Variants in AP1S1 observed in about 807,000 individuals in gnomAD.
The protein encoded by AP1S1 is AP-1 complex subunit sigma-1A.
In AP1S1, 13 loss-of-function variants were observed where a neutral mutation model predicts 23.9. That is an observed-to-expected ratio of 0.54 (90% CI 0.35 to 0.86). AP1S1 has a LOEUF of 0.86. Ranked by LOEUF, AP1S1 falls within the 40% of genes least tolerant of loss-of-function variation. AP1S1 has a pLI of 0.01. For synonymous variants in AP1S1, 84 were observed against 77.7 expected, an observed-to-expected ratio of 1.08 and a Z score of -0.43; for missense variants, 119 against 197.6, an observed-to-expected ratio of 0.60 and a Z score of 2.38.
At chr7:101,160,037 C>A (rs926932324) in intron 4 of AP1S1, among the ~76,000 whole-genome samples, 6 of 152,018 alleles carry the variant, frequency 3.9e-5, no homozygotes, top group Admixed American at 3.9e-4. Context: ...CATCGTGTCA[C>A]CAGTGTTGCG....
At chr7:101,158,207 C>G (rs924172932) in intron 3 of AP1S1, among the ~76,000 whole-genome samples, 1 of 152,200 alleles carries the variant, frequency 6.6e-6, no homozygotes, top group African/African-American at 2.4e-5. Flanking sequence ...ATTAACTTAT[C>G]TGAGGGACAG....
At chr7:101,156,846 G>A (rs1014755926) in intron 2 of AP1S1, 74 bp downstream of exon 2, 24 of 1,349,846 alleles carry the variant, frequency 1.8e-5, no homozygotes, top group East Asian at 1.1e-4. Flanking sequence ...AGAAATGGTC[G>A]TCCTGTAGGT....
At position 101,160,871 on chromosome 7, in the gene AP1S1, C is replaced by T. The variant is rs1797092796; in HGVS notation, c.*305C>T. 1.7e-6 allele frequency: 1 copy of T among 599,186 alleles called. No individual in the cohort carries two copies. Among genetic ancestry groups the T allele is most frequent in the African/African-American group, 1.8e-5 (1 of 54,796 alleles). The allele number at this position is 599,186 out of a possible 1,614,324, so 37.1% of individuals were successfully genotyped here. On this transcript the variant is annotated 3_prime_UTR_variant, in exon 5 of 5. Coordinates refer to ENST00000337619, the MANE Select transcript of AP1S1 (RefSeq NM_001283.5). The stretch of plus-strand genomic sequence containing the variant: ...AACTGATGTCACCCCAGATGTCCTT[C>T]CCTCCCTAATAACTGTAAATATATA...
intron 4 of AP1S1, among the ~76,000 whole-genome samples, chr7:101,160,064 G>A (rs1038058679): frequency 7.2e-6 from 1 of 139,032 alleles, no homozygotes; most frequent in Non-Finnish European, 1.6e-5. Flanking sequence ...CCCTAATGAC[G>A]CATCTCCCTG....
At chr7:101,158,854 G>T (rs1227862721) in intron 3 of AP1S1, among the ~76,000 whole-genome samples, 3 of 152,214 alleles carry the variant, frequency 2.0e-5, no homozygotes, top group Non-Finnish European at 4.4e-5. Flanking sequence ...AGTGAGCTGT[G>T]ATCATGCCAC....
chr7:101,159,094 G>A lies in AP1S1; in HGVS notation c.327G>A (p.Lys109=), dbSNP rs1797042338. 1 of 1,613,664 alleles carries A rather than the reference G, an allele frequency of 6.2e-7. No individual in the cohort carries two copies. The highest frequency in any genetic ancestry group is 8.5e-7 in the Non-Finnish European group (1 of 1,179,754). Reference sequence around the variant, plus strand: ...TGGACATCATCTTCAACTTTGAGAAGGCCTACTTCATCCTGGATGAGTTTT... The same window carrying A: ...TGGACATCATCTTCAACTTTGAGAAAGCCTACTTCATCCTGGATGAGTTTT... ...CELDIIFNFE[K]AYFILDEFLM... Residue 109 remains lysine, a synonymous_variant, in exon 4 of 5, where the codon AAG becomes AAA. Coordinates refer to ENST00000337619, the MANE Select transcript of AP1S1 (RefSeq NM_001283.5).
intron 4 of AP1S1, 89 bp from the exon 5 acceptor site, chr7:101,160,430 G>T: frequency 6.7e-7 from 1 of 1,486,318 alleles, no homozygotes. Context: ...TGCCTCCCCC[G>T]TCTGACTCTT....
chr7:101,159,110 GA>G lies in AP1S1; in HGVS notation c.344del (p.Asp115ValfsTer4). On this transcript the variant is annotated frameshift_variant, in exon 4 of 5. Transcript: ENST00000337619. LOFTEE classifies it high-confidence loss of function. ...CTTTGAGAAGGCCTACTTCATCCTG[GA>G]TGAGTTTTTGATGGGGGGGGATGTC... ...FNFEKAYFIL[D>X]EFLMGGDVQD... 6.2e-7 allele frequency: 1 copy of G among 1,613,880 alleles called. No homozygotes were observed. The highest frequency in any genetic ancestry group is 8.5e-7 in the Non-Finnish European group (1 of 1,179,830).
chr7:101,160,690 C>T lies in AP1S1; in HGVS notation c.*124C>T, dbSNP rs945999616. The T allele has an allele frequency of 1.4e-5, 16 of 1,162,346 alleles. No individual in the cohort carries two copies. The East Asian group carries it at 1.7e-4, about 12-fold the overall frequency. The allele number at this position is 1,162,346 out of a possible 1,614,324, so 72.0% of individuals were successfully genotyped here. ...GCCCCTCCTCTGCTGCCTCACCTTT[C>T]GGAGTGAGCTGTGGGCTCAGGCCCT... On this transcript the variant is annotated 3_prime_UTR_variant, in exon 5 of 5. Coordinates refer to ENST00000337619, the MANE Select transcript of AP1S1 (RefSeq NM_001283.5).
At chr7:101,158,904 C>CT (rs1797038577) in intron 3 of AP1S1, among the ~76,000 whole-genome samples, 155 bp from the exon 4 acceptor site, 1 of 152,092 alleles carries the variant, frequency 6.6e-6, no homozygotes. Flanking sequence ...GACCCTGTCT[C>CT]TAACAAAATA....
intron 3 of AP1S1, 129 bp from the exon 4 acceptor site, chr7:101,158,930 T>A: frequency 7.9e-7 from 1 of 1,270,440 alleles, no homozygotes; most frequent in Non-Finnish European, 1.1e-6. Flanking sequence ...ACAAAAAAAC[T>A]GAAAAAGCTG....
At chr7:101,157,820 A>G (rs1309976475) in intron 3 of AP1S1, among the ~76,000 whole-genome samples, 1 of 152,088 alleles carries the variant, frequency 6.6e-6, no homozygotes, top group Non-Finnish European at 1.5e-5. Context: ...ACCTGGAGGA[A>G]TGCCGCCTAT....
At chr7:101,158,712 G>C (rs769005993) in intron 3 of AP1S1, among the ~76,000 whole-genome samples, 6 of 152,138 alleles carry the variant, frequency 3.9e-5, no homozygotes, top group Admixed American at 6.6e-5. Flanking sequence ...GACCAGCCTG[G>C]CCAACATGGC....
intron 2 of AP1S1, 27 bp from the exon 3 acceptor site, chr7:101,157,350 C>G: frequency 6.7e-7 from 1 of 1,483,802 alleles, no homozygotes; most frequent in Non-Finnish European, 9.2e-7. Context: ...AAGCTTGTAG[C>G]GATGTCTCAT....
chr7:101,154,574 G>A lies in AP1S1; in HGVS notation c.3+57G>A, dbSNP rs763279875. ...AGCGAGGGGCGTGGGCTGCACCTGC[G>A]GGGGTCCTCGGGGGCCGCCCTCGGG... On this transcript the variant is annotated intron_variant, in intron 1 of 4. Coordinates refer to ENST00000337619, the MANE Select transcript of AP1S1 (RefSeq NM_001283.5). The A allele has an allele frequency of 2.9e-4, 440 of 1,541,610 alleles. 3 individuals are homozygous for A. Among genetic ancestry groups the A allele is most frequent in the Non-Finnish European group, 1.3e-4 (145 of 1,143,976 alleles).
intron 2 of AP1S1, 100 bp from the exon 3 acceptor site, chr7:101,157,277 C>G (rs1471305272): frequency 1.0e-6 from 1 of 958,502 alleles, no homozygotes; most frequent in African/African-American, 1.6e-5. Flanking sequence ...TGTGGCCAGC[C>G]AGGGCACAGA....
rs550601123 is a variant in AP1S1, at chr7:101,157,073, AACAC to A, written c.183-299_183-296del. ...TCAAAGGTCCTGCCCTACTTTTCCT[AACAC>A]ACACGCACACACACACCCTTTCCGG... is the stretch of plus-strand genomic sequence containing the variant. On this transcript the variant is annotated intron_variant, in intron 2 of 4. Coordinates refer to ENST00000337619, the MANE Select transcript of AP1S1 (RefSeq NM_001283.5). Among the ~76,000 whole-genome samples, 46 of 151,914 alleles carry A rather than the reference AACAC, an allele frequency of 3.0e-4. 1 individual carries two copies. In the South Asian group the frequency reaches 5.8e-3, roughly 19 times the overall value.
chr7:101,161,115 G>A lies in AP1S1; in HGVS notation c.*549G>A. 1 of 294,346 alleles carries A rather than the reference G, an allele frequency of 3.4e-6. No homozygotes were observed. The highest frequency in any genetic ancestry group is 6.6e-6 in the Non-Finnish European group (1 of 152,526). The allele number at this position is 294,346 out of a possible 1,614,324, so 18.2% of individuals were successfully genotyped here. A position where few individuals can be genotyped will look rare whatever the true frequency, so the allele number is the denominator to read the frequency against. On this transcript the variant is annotated 3_prime_UTR_variant, in exon 5 of 5. Transcript: ENST00000337619. The stretch of plus-strand genomic sequence containing the variant: ...TCTAACCTTGCCACTTTGAGGGAAG[G>A]AAGGGTTGGGGGAAGGGCAAGCTTT...
At chr7:101,155,021 G>T (rs1263482407) in intron 1 of AP1S1, 1 of 989,940 alleles carries the variant, frequency 1.0e-6, no homozygotes, top group Non-Finnish European at 1.2e-6. Context: ...CCTAGAGGCT[G>T]GGCCCAGGTA....
Sources: allele counts gnomAD v4.1 joint callset (sites outside exome capture counted in the v4.1 genomes callset), GRCh38; gene constraint gnomAD v4.1.1; transcripts MANE v1.5; gene names NCBI Gene and HGNC (gene_info 2026-07-23, HGNC 2026-07-21).